The following DMXL1 variants were observed in gnomAD, a reference collection of about 807,000 sequenced individuals.
DMXL1 encodes Dmx like 1, also known as dmX-like protein 1.
In DMXL1, 99 loss-of-function variants were observed where a neutral mutation model predicts 319.2. That is an observed-to-expected ratio of 0.31 (90% confidence interval 0.26 to 0.37). The LOEUF is 0.37. Among genes scored for constraint, DMXL1 ranks in the 10% least tolerant of loss-of-function variants. The pLI is 1.00. For missense variants in DMXL1, 3,745 were observed against 3,595.6 expected (o/e 1.04, Z -1.06); for synonymous variants, 1,385 against 1,235.2 (o/e 1.12, Z -2.54).
intron 28 of DMXL1, among the ~76,000 whole-genome samples, chr5:119,184,551 A>G (rs750440828): frequency 2.6e-5 from 4 of 152,318 alleles, no homozygotes; most frequent in East Asian, 1.9e-4. Flanking sequence ...ATTTTTAAGT[A>G]TATAGTTTAG....
chr5:119,196,157 A>T (rs562924776), intron 30 of DMXL1, among the ~76,000 whole-genome samples: 3 of 152,324 alleles, frequency 2.0e-5, no homozygotes, highest in Admixed American at 2.0e-4. Flanking sequence ...TTATTCAACA[A>T]GTACTCTCCT....
At chr5:119,134,443 G>C in intron 13 of DMXL1, 54 bp downstream of exon 13, 1 of 1,429,120 alleles carries the variant, frequency 7.0e-7, no homozygotes, top group Non-Finnish European at 9.5e-7. Flanking sequence ...TTTTCAGATA[G>C]TTTATATTTA....
intron 5 of DMXL1, 33 bp downstream of exon 5, chr5:119,110,316 A>G (rs748692839): frequency 1.3e-6 from 2 of 1,503,260 alleles, no homozygotes; most frequent in East Asian, 2.5e-5. Context: ...AAACTGATAA[A>G]CCTGTTGTTC....
At chr5:119,232,404 G>T (rs117059189) in intron 38 of DMXL1, among the ~76,000 whole-genome samples, 1 of 152,256 alleles carries the variant, frequency 6.6e-6, no homozygotes, top group East Asian at 1.9e-4. Context: ...GCAAGTGCTA[G>T]ATGTTTTATA....
rs773073233 is a variant in DMXL1, at chr5:119,170,260, G to T, written c.5469G>T (p.Leu1823Phe). 2 of 1,613,464 alleles carry T rather than the reference G, an allele frequency of 1.2e-6. No individual in the cohort carries two copies. The highest frequency in any genetic ancestry group is 2.7e-5 in the African/African-American group (2 of 74,892). The change falls in exon 24 of 44, where the codon TTG becomes TTT. Residue 1823 changes from leucine to phenylalanine, a missense_variant. Around this residue, in one of 4 missense-constraint regions of DMXL1, gnomAD observed 1,382 missense variants for 1,269.5 expected, o/e 1.09. Transcript: ENST00000539542. ...FYNYLRTHPLLLRRHFGSSDT... is the reference protein window; with the variant it reads ...FYNYLRTHPLFLRRHFGSSDT... ...ATTATCTAAGAACACATCCTCTTTT[G>T]CTGAGACGTCATTTTGGATCATCTG...
chr5:119,147,690 C>A (rs1768884840), intron 17 of DMXL1: 1 of 414,280 alleles, frequency 2.4e-6, no homozygotes, highest in East Asian at 3.8e-5. Flanking sequence ...ATTTCTAAAA[C>A]AAATTTTCTT....
At chr5:119,071,848 A>G (rs985655090) in intron 1 of DMXL1, among the ~76,000 whole-genome samples, 192 bp downstream of exon 1, 1 of 152,126 alleles carries the variant, frequency 6.6e-6, no homozygotes, top group Non-Finnish European at 1.5e-5. Flanking sequence ...GAGGTACTGT[A>G]TGGAGCCTGA....
intron 38 of DMXL1, 49 bp downstream of exon 38, chr5:119,224,818 T>G (rs370758923): frequency 2.8e-4 from 232 of 828,430 alleles, no homozygotes; most frequent in Non-Finnish European, 3.6e-4. Flanking sequence ...CTTAAATCTA[T>G]TTTTGGTAAT....
chr5:119,118,835 T>C lies in DMXL1; in HGVS notation c.764T>C (p.Leu255Pro), dbSNP rs1761417572. ...CTTAGGGCTTCTGTATGTAATGTACTGTTGACTTGCTGCAAAGATAATGTG... is the reference window on the plus strand; with the variant it reads ...CTTAGGGCTTCTGTATGTAATGTACCGTTGACTTGCTGCAAAGATAATGTG... ...YMPRASVCNVLLTCCKDNVCR... is the reference protein window; with the variant it reads ...YMPRASVCNVPLTCCKDNVCR... Residue 255 changes from leucine (L) to proline (P), a missense_variant, in exon 8 of 44, where the codon CTG (leucine) becomes CCG (proline). Coordinates refer to ENST00000539542, the MANE Select transcript of DMXL1 (RefSeq NM_001290321.3). 6.2e-7 allele frequency: 1 copy of C among 1,613,008 alleles called. No individual in the cohort carries two copies. Among genetic ancestry groups the C allele is most frequent in the African/African-American group, 1.3e-5 (1 of 74,924 alleles).
intron 1 of DMXL1, among the ~76,000 whole-genome samples, chr5:119,090,140 C>T (rs1460027959): frequency 6.7e-6 from 1 of 148,442 alleles, no homozygotes; most frequent in Non-Finnish European, 1.5e-5. Flanking sequence ...CCTGCCTCAG[C>T]CTCCCGAGTA....
Position 119,110,034 on chromosome 5 carries a change from A to C in DMXL1, c.365-117A>C, listed in dbSNP as rs543111201. Reference sequence around the variant, plus strand: ...TACAGCCTTCTCCTCCGTTCTTCAAAATTTTTTTTGATATTTGACTTTTTT... The same window carrying C: ...TACAGCCTTCTCCTCCGTTCTTCAACATTTTTTTTGATATTTGACTTTTTT... On this transcript the variant is annotated intron_variant, in intron 4 of 43. Transcript: ENST00000539542. The C allele has an allele frequency of 7.8e-6, 7 of 901,606 alleles. No individual in the cohort carries two copies. In the African/African-American group the frequency reaches 1.2e-4, roughly 16 times the overall value. 55.9% of individuals were successfully genotyped at this position (901,606 alleles called of 1,614,324 possible). A position where few individuals can be genotyped will look rare whatever the true frequency, so the allele number is the denominator to read the frequency against.
chr5:119,095,685 A>C (rs1755788602), intron 1 of DMXL1, among the ~76,000 whole-genome samples: 1 of 152,230 alleles, frequency 6.6e-6, no homozygotes, highest in South Asian at 2.1e-4. Flanking sequence ...GTATTCTCAA[A>C]ATTTAATATC....
At chr5:119,221,283 C>G (rs1784602279) in intron 37 of DMXL1, among the ~76,000 whole-genome samples, 1 of 152,052 alleles carries the variant, frequency 6.6e-6, no homozygotes, top group Admixed American at 6.5e-5. Flanking sequence ...TAAAAATATA[C>G]TTTGCTTGAA....
intron 32 of DMXL1, among the ~76,000 whole-genome samples, chr5:119,199,683 A>G (rs1780330125): frequency 1.3e-5 from 2 of 152,212 alleles, no homozygotes; most frequent in Admixed American, 1.3e-4. Flanking sequence ...ACTCCCACTG[A>G]CAGTGCGTAA....
intron 29 of DMXL1, among the ~76,000 whole-genome samples, chr5:119,193,055 A>G (rs1778974921): frequency 6.6e-6 from 1 of 151,784 alleles, no homozygotes; most frequent in South Asian, 2.1e-4. Context: ...CAACCTGCCA[A>G]CTCCTGTTTT....
intron 15 of DMXL1, 139 bp downstream of exon 15, chr5:119,144,777 T>C (rs796423091): frequency 1.2e-4 from 59 of 504,766 alleles, no homozygotes; most frequent in African/African-American, 1.0e-3. Context: ...ATATTTATCA[T>C]AAATATGAGT....
intron 3 of DMXL1, among the ~76,000 whole-genome samples, chr5:119,104,891 T>A (rs1757995223): frequency 6.6e-6 from 1 of 152,224 alleles, no homozygotes; most frequent in South Asian, 2.1e-4. Context: ...ACTTTTTAAC[T>A]GTAATAATAA....
At chr5:119,087,846 G>A (rs2149722202) in intron 1 of DMXL1, among the ~76,000 whole-genome samples, 1 of 152,000 alleles carries the variant, frequency 6.6e-6, no homozygotes, top group Non-Finnish European at 1.5e-5. Flanking sequence ...CTGTTGCCCA[G>A]GCTGGAGTGC....
chr5:119,163,997 C>A (rs1386718729), intron 19 of DMXL1, among the ~76,000 whole-genome samples: 2 of 152,138 alleles, frequency 1.3e-5, no homozygotes, highest in Non-Finnish European at 2.9e-5. Flanking sequence ...CAGCGTAAGC[C>A]ACCGCACCCT....
Sources: allele counts gnomAD v4.1 joint callset (sites outside exome capture counted in the v4.1 genomes callset), GRCh38; gene constraint gnomAD v4.1.1; regional missense constraint gnomAD v4.1.1; transcripts MANE v1.5; gene names NCBI Gene and HGNC (gene_info 2026-07-23, HGNC 2026-07-21).